AKAP13: variants seen among roughly 807,000 people sequenced by gnomAD.
The protein encoded by AKAP13 is A-kinase anchoring protein 13, also known as A-kinase anchor protein 13.
In AKAP13, 80 loss-of-function variants were observed where a neutral mutation model predicts 264.5. The ratio of observed to expected loss-of-function variants is 0.30; its 90% CI spans 0.25 to 0.36. The LOEUF (loss-of-function observed/expected upper bound fraction) is 0.36. Ranked by LOEUF, AKAP13 falls within the 10% of genes least tolerant of loss-of-function variation. The pLI is 1.00. For missense variants in AKAP13, 3,712 were observed against 3,435.2 expected (o/e 1.08, Z -2.01); for synonymous variants, 1,380 against 1,250.2 (o/e 1.10, Z -2.19).
chr15:85,581,919 A>G lies in AKAP13; in HGVS notation c.3851A>G (p.Glu1284Gly), dbSNP rs749896395. The G allele has an allele frequency of 1.2e-6, 2 of 1,614,182 alleles. No individual in the cohort carries two copies. The highest frequency in any genetic ancestry group is 1.7e-6 in the Non-Finnish European group (2 of 1,180,024). ...TGTCACATGTCACTGTCCAGCCCTG[A>G]GTTGGGTCCTCTCACTAAAGGACTA... The part of the protein sequence containing the change: ...EACHMSLSSP[E>G]LGPLTKGLES... The change falls in exon 7 of 37, where the codon GAG becomes GGG. Residue 1284 changes from glutamate (E) to glycine (G), a missense_variant. Around this residue, in one of 3 missense-constraint regions of AKAP13, gnomAD observed 2,759 missense variants for 2,411.7 expected, o/e 1.14. Coordinates refer to ENST00000394518, the MANE Select transcript of AKAP13 (RefSeq NM_007200.5).
chr15:85,482,683 T>C (rs867972915), intron 1 of AKAP13, among the ~76,000 whole-genome samples: 1 of 152,384 alleles, frequency 6.6e-6, no homozygotes, highest in Middle Eastern at 3.4e-3. Flanking sequence ...TTAAATGATT[T>C]AACCTTTGAA....
intron 1 of AKAP13, among the ~76,000 whole-genome samples, chr15:85,479,082 C>T (rs1443071314): frequency 6.6e-6 from 1 of 152,176 alleles, no homozygotes; most frequent in Non-Finnish European, 1.5e-5. Flanking sequence ...TCCTCAGTCC[C>T]TTATTCAGGA....
intron 15 of AKAP13, 119 bp downstream of exon 15, chr15:85,682,331 T>TA: frequency 2.0e-6 from 2 of 1,008,898 alleles, no homozygotes; most frequent in Non-Finnish European, 2.9e-6. Context: ...CTTTGAGTGA[T>TA]AAACTTGGAA....
chr15:85,443,771 A>AGTG (rs1164351281), intron 1 of AKAP13, among the ~76,000 whole-genome samples: 1 of 105,484 alleles, frequency 9.5e-6, no homozygotes, highest in East Asian at 3.3e-4. Context: ...AAAAAAAAAA[A>AGTG]AGTGTGTGTG....
chr15:85,543,417 T>G (rs989498638), intron 4 of AKAP13, among the ~76,000 whole-genome samples: 7 of 152,242 alleles, frequency 4.6e-5, no homozygotes, highest in African/African-American at 1.7e-4. Flanking sequence ...TTATTATTAT[T>G]TGAGTAAAAG....
At chr15:85,482,476 T>C (rs1305649435) in intron 1 of AKAP13, among the ~76,000 whole-genome samples, 2 of 152,202 alleles carry the variant, frequency 1.3e-5, no homozygotes, top group Non-Finnish European at 2.9e-5. Flanking sequence ...TCTGGCACAT[T>C]GTAGGTGCAC....
At chr15:85,427,362 A>G (rs1253520405) in intron 1 of AKAP13, among the ~76,000 whole-genome samples, 1 of 148,730 alleles carries the variant, frequency 6.7e-6, no homozygotes, top group African/African-American at 2.4e-5. Flanking sequence ...GTTACTAGAA[A>G]TTTTGAGATT....
At chr15:85,428,675 A>C (rs147745628) in intron 1 of AKAP13, among the ~76,000 whole-genome samples, 1 of 152,332 alleles carries the variant, frequency 6.6e-6, no homozygotes, top group Non-Finnish European at 1.5e-5. Flanking sequence ...AGGACATATA[A>C]AATTTCTTGG....
intron 30 of AKAP13, among the ~76,000 whole-genome samples, chr15:85,733,825 C>T (rs759863269): frequency 6.6e-6 from 1 of 150,812 alleles, no homozygotes; most frequent in Non-Finnish European, 1.5e-5. Context: ...CTAATTCTGA[C>T]CTAAGTTAGT....
At chr15:85,706,049 A>G (rs1232162825) in intron 17 of AKAP13, among the ~76,000 whole-genome samples, 1 of 152,176 alleles carries the variant, frequency 6.6e-6, no homozygotes, top group Non-Finnish European at 1.5e-5. Flanking sequence ...TAGTCTTTTT[A>G]TACTTTTTCT....
At position 85,744,612 on chromosome 15, in the gene AKAP13, G is replaced by A. The variant is rs373331740; in HGVS notation, c.8393-16G>A. ...TTTTTCTGAATTTTTTTCATTCTTG[G>A]TTTTCACATTTCCAGATGGTCCCGC... On this transcript the variant is annotated splice_polypyrimidine_tract_variant and intron_variant, in intron 36 of 36. Coordinates refer to ENST00000394518, the MANE Select transcript of AKAP13 (RefSeq NM_007200.5). 6 of 1,613,700 alleles carry A rather than the reference G, an allele frequency of 3.7e-6. No homozygotes were observed. The highest frequency in any genetic ancestry group is 5.1e-6 in the Non-Finnish European group (6 of 1,179,896).
At chr15:85,697,029 A>G (rs2085601322) in intron 17 of AKAP13, among the ~76,000 whole-genome samples, 1 of 152,192 alleles carries the variant, frequency 6.6e-6, no homozygotes. Flanking sequence ...ACTTCAGGCT[A>G]AGAAACTTTC....
chr15:85,399,535 A>AAAAAAAAAAAAAAAAAAT (rs1567038735), intron 1 of AKAP13, among the ~76,000 whole-genome samples: 6 of 105,592 alleles, frequency 5.7e-5, no homozygotes, highest in African/African-American at 1.6e-4. Flanking sequence ...AAAAAATAAA[A>AAAAAAAAAAAAAAAAAAT]AAATAAATAA....
At chr15:85,568,307 G>GA (rs1044042150) in intron 5 of AKAP13, among the ~76,000 whole-genome samples, 13 of 150,474 alleles carry the variant, frequency 8.6e-5, no homozygotes, top group Admixed American at 2.7e-4. Context: ...AAGAAAAAAG[G>GA]AAAAAAAAAG....
At chr15:85,532,990 C>G (rs2077288921) in intron 3 of AKAP13, among the ~76,000 whole-genome samples, 1 of 152,194 alleles carries the variant, frequency 6.6e-6, no homozygotes, top group East Asian at 1.9e-4. Context: ...TAATGTGTAT[C>G]TGAGAACAAA....
chr15:85,427,507 T>TA (rs1555428162), intron 1 of AKAP13, among the ~76,000 whole-genome samples: 3 of 152,116 alleles, frequency 2.0e-5, no homozygotes, highest in Non-Finnish European at 4.4e-5. Context: ...AAGTTTGTAG[T>TA]TGTGTGTGTG....
chr15:85,658,819 T>C (rs1220141519), intron 12 of AKAP13, among the ~76,000 whole-genome samples: 1 of 152,208 alleles, frequency 6.6e-6, no homozygotes, highest in South Asian at 2.1e-4. Context: ...AAATTATTTT[T>C]AATTTTTTTA....
chr15:85,704,882 C>G (rs2151679464), intron 17 of AKAP13, among the ~76,000 whole-genome samples: 1 of 152,228 alleles, frequency 6.6e-6, no homozygotes, highest in South Asian at 2.1e-4. Context: ...GTCAGTGGGG[C>G]TGAAGTTTCT....
chr15:85,460,541 C>T (rs1244653687), intron 1 of AKAP13, among the ~76,000 whole-genome samples: 2 of 152,166 alleles, frequency 1.3e-5, no homozygotes, highest in Non-Finnish European at 2.9e-5. Flanking sequence ...TTGTCCATGT[C>T]CTTATCCTTG....
Sources: gnomAD v4.1 joint callset for allele counts (sites outside exome capture counted in the v4.1 genomes callset) on GRCh38, gnomAD v4.1.1 for gene constraint, gnomAD v4.1.1 regional missense constraint, MANE v1.5 for transcripts, NCBI Gene and HGNC (gene_info 2026-07-23, HGNC 2026-07-21) for gene names.